NTRK3: variants seen among roughly 807,000 people sequenced by gnomAD.
NTRK3 encodes neurotrophic receptor tyrosine kinase 3.
Under a neutral mutation model 91.7 loss-of-function variants are expected in NTRK3, and 24 were observed. The ratio of observed to expected loss-of-function variants is 0.26; its 90% CI spans 0.19 to 0.37. NTRK3 has a LOEUF of 0.37. NTRK3 is among the 10% of genes least tolerant of loss of function. The probability of loss-of-function intolerance (pLI) is 1.00; values close to 1 mark genes in which losing one functional copy is unlikely to be tolerated. For synonymous variants in NTRK3, 483 were observed against 404.0 expected, an observed-to-expected ratio of 1.20 and a Z score of -2.34; for missense variants, 880 against 1,068.9, an observed-to-expected ratio of 0.82 and a Z score of 2.46.
At chr15:88,186,472 C>T (rs756963585) in intron 3 of NTRK3, among the ~76,000 whole-genome samples, 1 of 152,150 alleles carries the variant, frequency 6.6e-6, no homozygotes, top group African/African-American at 2.4e-5. Context: ...TAGTCCCCAC[C>T]TCCTCCGTTG....
intron 14 of NTRK3, among the ~76,000 whole-genome samples, chr15:87,949,449 C>T (rs945086334): frequency 8.6e-5 from 13 of 152,014 alleles, no homozygotes; most frequent in African/African-American, 1.9e-4. Flanking sequence ...TCTAGGACAC[C>T]GAGACACTGT....
At chr15:87,919,312 C>T (rs1471338458) in intron 17 of NTRK3, among the ~76,000 whole-genome samples, 5 of 152,128 alleles carry the variant, frequency 3.3e-5, no homozygotes, top group Admixed American at 2.6e-4. Context: ...TGGGAGGGCA[C>T]TTCCCAGGAC....
At chr15:87,933,666 T>C (rs2069004100) in intron 15 of NTRK3, among the ~76,000 whole-genome samples, 1 of 152,240 alleles carries the variant, frequency 6.6e-6, no homozygotes, top group Non-Finnish European at 1.5e-5. Context: ...CAATAAAATA[T>C]CCTTGTCTTT....
At chr15:87,976,896 T>C (rs979908926) in intron 14 of NTRK3, among the ~76,000 whole-genome samples, 2 of 152,204 alleles carry the variant, frequency 1.3e-5, no homozygotes, top group African/African-American at 4.8e-5. Context: ...CTGGCTTTGC[T>C]GGTGCACCAA....
chr15:88,183,012 A>ACCAC (rs2046631259), intron 5 of NTRK3, among the ~76,000 whole-genome samples: 2 of 119,876 alleles, frequency 1.7e-5, no homozygotes, highest in Non-Finnish European at 3.5e-5. Context: ...TCTTCTTGCA[A>ACCAC]CCCCCCCCCG....
intron 13 of NTRK3, among the ~76,000 whole-genome samples, chr15:88,106,659 A>T (rs1392912863): frequency 6.6e-6 from 1 of 152,132 alleles, no homozygotes; most frequent in Non-Finnish European, 1.5e-5. Flanking sequence ...TGGGCCAGGC[A>T]TGTGGCTCAT....
At chr15:88,100,768 C>T (rs1037807310) in intron 13 of NTRK3, among the ~76,000 whole-genome samples, 5 of 152,024 alleles carry the variant, frequency 3.3e-5, no homozygotes, top group African/African-American at 9.7e-5. Flanking sequence ...AATGGGGAAA[C>T]GATTCCCTAT....
intron 17 of NTRK3, among the ~76,000 whole-genome samples, chr15:87,885,109 A>G (rs2065464200): frequency 2.0e-5 from 3 of 151,950 alleles, no homozygotes; most frequent in African/African-American, 7.2e-5. Flanking sequence ...AACTATTCTC[A>G]CATGCCGGTG....
rs145087264 is a variant in NTRK3 at position 87,955,327 on chromosome 15, T to C, written c.1586-14574A>G. ...AAGTTCTGCCTGCCACTTTGAGCTATAGAGAACTCTGACTGCCCTAGGCCA... is the reference window on the plus strand; with the variant it reads ...AAGTTCTGCCTGCCACTTTGAGCTACAGAGAACTCTGACTGCCCTAGGCCA... On this transcript the variant is annotated intron_variant, in intron 14 of 18. Transcript: ENST00000394480. Among the ~76,000 whole-genome samples the C allele has an allele frequency of 2.5e-3, 379 of 152,338 alleles. 1 individual carries two copies. The highest frequency in any genetic ancestry group is 8.3e-3 in the African/African-American group (347 of 41,592).
At chr15:88,100,093 C>T (rs1275475516) in intron 13 of NTRK3, among the ~76,000 whole-genome samples, 7 of 152,188 alleles carry the variant, frequency 4.6e-5, no homozygotes, top group African/African-American at 1.7e-4. Context: ...GTTTCCCCAT[C>T]AAATTCCTTG....
chr15:87,960,404 G>A (rs2072145080), intron 14 of NTRK3, among the ~76,000 whole-genome samples: 1 of 151,644 alleles, frequency 6.6e-6, no homozygotes, highest in Admixed American at 6.6e-5. Flanking sequence ...TTTGGATGTG[G>A]ACCCATCTAG....
intron 13 of NTRK3, among the ~76,000 whole-genome samples, chr15:88,115,682 G>C (rs1488634384): frequency 2.0e-5 from 3 of 152,086 alleles, no homozygotes; most frequent in African/African-American, 7.2e-5. Context: ...CTGGTCTTCT[G>C]CCAACTATGC....
intron 14 of NTRK3, chr15:87,978,787 A>G (rs888586746): frequency 1.5e-4 from 35 of 235,162 alleles, no homozygotes; most frequent in African/African-American, 7.7e-4. Flanking sequence ...CTTGGTGCCA[A>G]TACTTGAGCC....
chr15:88,242,039 T>C (rs1037394960), intron 3 of NTRK3, among the ~76,000 whole-genome samples: 2 of 152,090 alleles, frequency 1.3e-5, no homozygotes, highest in African/African-American at 4.8e-5. Context: ...GTTGGATAAA[T>C]GCACAAATAG....
intron 5 of NTRK3, among the ~76,000 whole-genome samples, chr15:88,148,112 C>A (rs148819400): frequency 6.6e-6 from 1 of 152,314 alleles, no homozygotes; most frequent in East Asian, 1.9e-4. Flanking sequence ...ATGTACTCAT[C>A]TACTGATGGG....
At position 87,895,047 on chromosome 15, in the gene NTRK3, C is replaced by T. The variant is rs144372042; in HGVS notation, c.2134-14619G>A. Among the ~76,000 whole-genome samples, 692 of 152,234 alleles carry T rather than the reference C, an allele frequency of 4.5e-3. 11 individuals are homozygous for T. The highest frequency in any genetic ancestry group is 6.0e-3 in the Admixed American group (92 of 15,286). ...TACCCTGTAACTGTACCTTGTCCAG[C>T]TCCTCAAATCCAAGTTTCTCAGAAC... On this transcript the variant is annotated intron_variant, in intron 17 of 18. Coordinates refer to ENST00000394480, the Ensembl canonical transcript of NTRK3.
intron 5 of NTRK3, among the ~76,000 whole-genome samples, chr15:88,156,094 T>A (rs1052450065): frequency 2.0e-5 from 3 of 152,172 alleles, no homozygotes; most frequent in Admixed American, 2.0e-4. Context: ...TCCAAAGGAA[T>A]GTCAGGTTTT....
intron 14 of NTRK3, among the ~76,000 whole-genome samples, chr15:87,998,765 A>G (rs1356164279): frequency 6.6e-6 from 1 of 152,200 alleles, no homozygotes; most frequent in African/African-American, 2.4e-5. Flanking sequence ...CTGCACTGCA[A>G]TCATGCTAAT....
chr15:88,219,384 C>G (rs914842414), intron 3 of NTRK3, among the ~76,000 whole-genome samples: 1 of 152,240 alleles, frequency 6.6e-6, no homozygotes, highest in Non-Finnish European at 1.5e-5. Flanking sequence ...GAAGTCCCAG[C>G]CAGCAGCTGG....
Sources: gnomAD v4.1 joint callset for allele counts (sites outside exome capture counted in the v4.1 genomes callset) on GRCh38, gnomAD v4.1.1 for gene constraint, MANE v1.5 for transcripts, NCBI Gene and HGNC (gene_info 2026-07-23, HGNC 2026-07-21) for gene names.